The following MTPAP variants were observed in gnomAD, a reference collection of about 807,000 sequenced individuals.
The protein encoded by MTPAP is mitochondrial poly(A) polymerase.
Under a neutral mutation model 48.7 loss-of-function variants are expected in MTPAP, and 23 were observed. That is an observed-to-expected ratio of 0.47 (90% CI 0.34 to 0.67). The LOEUF (loss-of-function observed/expected upper bound fraction) is 0.67. Ranked by LOEUF, MTPAP falls within the 30% of genes least tolerant of loss-of-function variation. The pLI, the probability that MTPAP is intolerant of heterozygous loss-of-function variation, is 0.01. For missense variants in MTPAP, 614 were observed against 694.3 expected, an observed-to-expected ratio of 0.88 and a Z score of 1.30; for synonymous variants, 257 against 254.1, an observed-to-expected ratio of 1.01 and a Z score of -0.11.
intron 1 of MTPAP, among the ~76,000 whole-genome samples, chr10:30,346,836 A>G (rs1484403711): frequency 6.6e-6 from 1 of 152,072 alleles, no homozygotes; most frequent in African/African-American, 2.4e-5. Flanking sequence ...TCTTCATCCA[A>G]AGGGTGGGCA....
intron 1 of MTPAP, among the ~76,000 whole-genome samples, chr10:30,346,956 A>G (rs1588723955): frequency 6.6e-6 from 1 of 152,304 alleles, no homozygotes; most frequent in Admixed American, 6.5e-5. Flanking sequence ...CCACCAAAAA[A>G]CAGCTAAGGA....
Position 30,322,251 on chromosome 10 carries a change from G to A in MTPAP, c.1219+140C>T, listed in dbSNP as rs1028769098. ...AGCTTCCCAAATCATCTGCTCTCGT[G>A]ACTCCGGTAGACTTTAAAAAAAAGT... On this transcript the variant is annotated intron_variant, in intron 6 of 8. Transcript: ENST00000263063. 6.8e-6 allele frequency: 5 copies of A among 734,550 alleles called. No individual in the cohort carries two copies. In the African/African-American group the frequency reaches 7.1e-5, roughly 10 times the overall value. 45.5% of individuals were successfully genotyped at this position (734,550 alleles called of 1,614,324 possible). A position where few individuals can be genotyped will look rare whatever the true frequency, so the allele number is the denominator to read the frequency against.
intron 6 of MTPAP, among the ~76,000 whole-genome samples, chr10:30,320,304 G>C (rs1840706838): frequency 8.4e-6 from 1 of 118,954 alleles, no homozygotes; most frequent in Admixed American, 8.9e-5. Context: ...AAGATGGGAG[G>C]ATCCCCTGAG....
intron 5 of MTPAP, among the ~76,000 whole-genome samples, chr10:30,323,949 G>A (rs536404094): frequency 1.8e-3 from 280 of 152,328 alleles, no homozygotes; most frequent in African/African-American, 6.4e-3. Context: ...GGGAAGCTGA[G>A]GTGGGCAGAT....
intron 6 of MTPAP, among the ~76,000 whole-genome samples, chr10:30,319,659 C>T (rs554046897): frequency 1.3e-5 from 2 of 152,252 alleles, no homozygotes; most frequent in South Asian, 4.1e-4. Flanking sequence ...TCAAAATGAT[C>T]TTCACCAAAT....
chr10:30,341,815 G>A (rs1282421578), intron 1 of MTPAP, among the ~76,000 whole-genome samples, 175 bp from the exon 2 acceptor site: 2 of 152,076 alleles, frequency 1.3e-5, no homozygotes, highest in African/African-American at 4.8e-5. Flanking sequence ...TTACCCACAG[G>A]GGTTATGATC....
At chr10:30,349,033 C>T in intron 1 of MTPAP, 86 bp downstream of exon 1, 20 of 1,592,078 alleles carry the variant, frequency 1.3e-5, no homozygotes, top group Non-Finnish European at 1.7e-5. Flanking sequence ...GGTCCACAGC[C>T]GTTTCCACAG....
At chr10:30,344,481 T>C (rs1834847423) in intron 1 of MTPAP, among the ~76,000 whole-genome samples, 1 of 152,198 alleles carries the variant, frequency 6.6e-6, no homozygotes, top group Non-Finnish European at 1.5e-5. Context: ...GAATACTTTC[T>C]TCCATATTGA....
Position 30,349,269 on chromosome 10 carries a change from C to G in MTPAP, c.7G>C (p.Val3Leu). The G allele has an allele frequency of 6.7e-7, 1 of 1,492,078 alleles. No individual in the cohort carries two copies. The highest frequency in any genetic ancestry group is 1.2e-5 in the South Asian group (1 of 85,624). The allele number at this position is 1,492,078 out of a possible 1,614,324, so 92.4% of individuals were successfully genotyped here. A position where few individuals can be genotyped will look rare whatever the true frequency, so the allele number is the denominator to read the frequency against. ...CGGGTCAAGAGCCCCACGCCGGGAA[C>G]CGCCATTGCTAAAAAAAAAAAAAAA... Reference protein sequence around the residue: MAVPGVGLLTRLN... With the variant: MALPGVGLLTRLN... The change falls in exon 1 of 9, where the codon GTT (valine) becomes CTT (leucine). Residue 3 changes from valine to leucine, a missense_variant. Coordinates refer to ENST00000263063, the MANE Select transcript of MTPAP (RefSeq NM_018109.4).
intron 4 of MTPAP, among the ~76,000 whole-genome samples, chr10:30,333,338 A>T (rs1834693073): frequency 1.3e-5 from 2 of 152,126 alleles, no homozygotes; most frequent in Non-Finnish European, 2.9e-5. Context: ...CCTCTCAAAC[A>T]TTGTATGAGA....
rs765911103 is a variant in MTPAP, at chr10:30,311,258, T to C, written c.*2351A>G. 51 of 152,172 alleles carry C rather than the reference T, an allele frequency of 3.4e-4. No individual in the cohort carries two copies. Among genetic ancestry groups the C allele is most frequent in the Non-Finnish European group, 6.2e-4 (42 of 68,044 alleles). The allele number at this position is 152,172 out of a possible 1,614,324, so 9.4% of individuals were successfully genotyped here. Reference sequence around the variant, plus strand: ...ACATCGCCTGTACAGAACACTGATATTTGTTGGTGTCAAATGTGCAATCCA... The same window carrying C: ...ACATCGCCTGTACAGAACACTGATACTTGTTGGTGTCAAATGTGCAATCCA... On this transcript the variant is annotated 3_prime_UTR_variant, in exon 9 of 9. Transcript: ENST00000263063.
chr10:30,321,507 AAC>A (rs1485477395), intron 6 of MTPAP, among the ~76,000 whole-genome samples: 1 of 152,222 alleles, frequency 6.6e-6, no homozygotes, highest in Non-Finnish European at 1.5e-5. Context: ...CAGGCAGAAA[AAC>A]AGTGTGAACA....
chr10:30,332,362 G>A (rs148129018), intron 4 of MTPAP, among the ~76,000 whole-genome samples: 1 of 152,096 alleles, frequency 6.6e-6, no homozygotes, highest in Admixed American at 6.5e-5. Context: ...GCGTGATCTC[G>A]GCTCACTGCA....
chr10:30,345,015 G>T (rs1360349073), intron 1 of MTPAP, among the ~76,000 whole-genome samples: 1 of 152,070 alleles, frequency 6.6e-6, no homozygotes, highest in Non-Finnish European at 1.5e-5. Context: ...AAACAGTGTA[G>T]AATTTTCTCA....
In MTPAP at chr10:30,316,392, G is replaced by A. The variant is rs533901908; in HGVS notation, c.1220-182C>T. 4.0e-5 allele frequency among the ~76,000 whole-genome samples: 6 copies of A among 151,708 alleles called. No homozygotes were observed. In the South Asian group the frequency reaches 1.3e-3, roughly 32 times the overall value. ...CGGGTAGCTGGGATTATAGGCACAT[G>A]CCCCCACGCTCAGCTCATTTTTGTA... On this transcript the variant is annotated intron_variant, in intron 6 of 8. Coordinates refer to ENST00000263063, the MANE Select transcript of MTPAP (RefSeq NM_018109.4).
At chr10:30,323,061 A>C (rs1340598717) in intron 5 of MTPAP, among the ~76,000 whole-genome samples, 1 of 137,506 alleles carries the variant, frequency 7.3e-6, no homozygotes, top group Admixed American at 7.9e-5. Flanking sequence ...CCCGGGAGGC[A>C]GAGGTTGCAG....
chr10:30,311,891 T>C lies in MTPAP; in HGVS notation c.*1718A>G. Reference sequence around the variant, plus strand: ...AGCCAGGTGCAGTGGCTCACGCCTGTAATTCCAACACTTTGGAAGGCCAAG... The same window carrying C: ...AGCCAGGTGCAGTGGCTCACGCCTGCAATTCCAACACTTTGGAAGGCCAAG... On this transcript the variant is annotated 3_prime_UTR_variant, in exon 9 of 9. Coordinates refer to ENST00000263063, the MANE Select transcript of MTPAP (RefSeq NM_018109.4). 1 of 152,770 alleles carries C rather than the reference T, an allele frequency of 6.5e-6. No individual in the cohort carries two copies. Among genetic ancestry groups the C allele is most frequent in the Non-Finnish European group, 1.5e-5 (1 of 68,408 alleles). 9.5% of individuals were successfully genotyped at this position (152,770 alleles called of 1,614,324 possible). A position where few individuals can be genotyped will look rare whatever the true frequency, so the allele number is the denominator to read the frequency against.
rs372811219 is a variant in MTPAP at position 30,313,718 on chromosome 10, T to C, written c.1640A>G (p.Asn547Ser). 89 of 1,614,122 alleles carry C rather than the reference T, an allele frequency of 5.5e-5. 3 individuals are homozygous for C. The Middle Eastern group carries it at 7.4e-3, about 134-fold the overall frequency. ...NRKSFTKKKSNKFAIETVKNL... is the reference protein window; with the variant it reads ...NRKSFTKKKSSKFAIETVKNL... ...TTTGACTGTTTCAATTGCAAACTTA[T>C]TGCTTTTCTTCTTGGTAAAGGACTT... Residue 547 changes from asparagine (N) to serine (S), a missense_variant, in exon 9 of 9, where the codon AAT becomes AGT. Around this residue, in one of 5 missense-constraint regions of MTPAP, gnomAD observed 109 missense variants for 100.5 expected, o/e 1.08. Transcript: ENST00000263063.
chr10:30,339,063 A>C (rs1207363646), intron 3 of MTPAP, among the ~76,000 whole-genome samples: 5 of 151,680 alleles, frequency 3.3e-5, no homozygotes, highest in African/African-American at 4.8e-5. Flanking sequence ...GTGGAGCTTG[A>C]AGTGAGCTGA....
Sources: gnomAD v4.1 joint callset for allele counts (sites outside exome capture counted in the v4.1 genomes callset) on GRCh38, gnomAD v4.1.1 for gene constraint, gnomAD v4.1.1 regional missense constraint, MANE v1.5 for transcripts, NCBI Gene and HGNC (gene_info 2026-07-23, HGNC 2026-07-21) for gene names.